Variants in DNAI7 observed in about 807,000 individuals in gnomAD.
DNAI7 encodes the protein dynein axonemal intermediate chain 7.
DNAI7 carries 78 observed loss-of-function variants against 86.6 expected under a neutral mutation model. The observed-to-expected ratio is 0.90, with a 90% CI of 0.75 to 1.09. The LOEUF (loss-of-function observed/expected upper bound fraction) is 1.09, where lower values mean the gene tolerates loss of function less well. Ranked by LOEUF, DNAI7 falls within the 50% of genes least tolerant of loss-of-function variation. DNAI7 has a pLI of 0.00. For missense variants in DNAI7, 753 were observed against 810.2 expected, an observed-to-expected ratio of 0.93 and a Z score of 0.86; for synonymous variants, 274 against 273.0, an observed-to-expected ratio of 1.00 and a Z score of -0.04.
chr12:25,111,619 C>T (rs1938833213), intron 14 of DNAI7, among the ~76,000 whole-genome samples, 153 bp downstream of exon 14: 1 of 151,984 alleles, frequency 6.6e-6, no homozygotes, highest in Non-Finnish European at 1.5e-5. Flanking sequence ...ATTAAGAGAA[C>T]CCTGGATTTC....
At chr12:25,144,789 G>T in intron 8 of DNAI7, 112 bp from the exon 9 acceptor site, 1 of 802,196 alleles carries the variant, frequency 1.2e-6, no homozygotes, top group Non-Finnish European at 1.9e-6. Flanking sequence ...CTCCAATTTT[G>T]ACTCTGATCA....
intron 12 of DNAI7, among the ~76,000 whole-genome samples, chr12:25,117,867 T>C (rs1006508698): frequency 5.3e-5 from 8 of 152,102 alleles, no homozygotes; most frequent in African/African-American, 1.9e-4. Context: ...ATCCAAACTA[T>C]TTGGTTATTT....
intron 2 of DNAI7, among the ~76,000 whole-genome samples, chr12:25,184,176 T>G (rs1461280611): frequency 6.6e-6 from 1 of 152,204 alleles, no homozygotes; most frequent in East Asian, 1.9e-4. Flanking sequence ...TTTAATGGTT[T>G]TTAGTATATT....
At chr12:25,182,891 T>G (rs1392592604) in intron 2 of DNAI7, among the ~76,000 whole-genome samples, 4 of 150,380 alleles carry the variant, frequency 2.7e-5, no homozygotes, top group African/African-American at 9.8e-5. Flanking sequence ...GCCACTGCAC[T>G]TCAGCCCAGG....
intron 4 of DNAI7, among the ~76,000 whole-genome samples, chr12:25,156,672 T>C (rs1464723135): frequency 1.3e-5 from 2 of 151,140 alleles, no homozygotes; most frequent in Non-Finnish European, 3.0e-5. Context: ...ACCTGGGACG[T>C]GGAGGTTGCA....
intron 2 of DNAI7, chr12:25,185,643 A>T: frequency 1.2e-3 from 239 of 198,938 alleles, no homozygotes; most frequent in Non-Finnish European, 2.0e-3. Flanking sequence ...AATTGATTTA[A>T]TTCCCTCATA....
At chr12:25,122,758 T>C (rs1174123449) in intron 10 of DNAI7, among the ~76,000 whole-genome samples, 1 of 152,192 alleles carries the variant, frequency 6.6e-6, no homozygotes, top group Non-Finnish European at 1.5e-5. Flanking sequence ...TGTGTACTTG[T>C]GAAAGTTCAT....
intron 9 of DNAI7, among the ~76,000 whole-genome samples, chr12:25,140,147 C>T (rs1174383352): frequency 1.3e-5 from 2 of 152,058 alleles, no homozygotes; most frequent in Non-Finnish European, 2.9e-5. Flanking sequence ...GACAAGGATG[C>T]CCCCTTTCAC....
intron 9 of DNAI7, among the ~76,000 whole-genome samples, chr12:25,135,784 C>T (rs1233287076): frequency 6.6e-6 from 1 of 151,662 alleles, no homozygotes; most frequent in African/African-American, 2.4e-5. Flanking sequence ...AGCCATAATC[C>T]CCCTGGGAGC....
At chr12:25,145,388 T>G (rs1205910684) in intron 8 of DNAI7, among the ~76,000 whole-genome samples, 1 of 152,208 alleles carries the variant, frequency 6.6e-6, no homozygotes, top group Non-Finnish European at 1.5e-5. Context: ...TGAAACTTGT[T>G]CTGCCTGCAC....
At chr12:25,170,257 G>C (rs903421723) in intron 2 of DNAI7, among the ~76,000 whole-genome samples, 1 of 151,892 alleles carries the variant, frequency 6.6e-6, no homozygotes, top group African/African-American at 2.4e-5. Flanking sequence ...CTGGTGTGGT[G>C]GTGGGTGCCT....
At chr12:25,136,787 T>C (rs1454253973) in intron 9 of DNAI7, among the ~76,000 whole-genome samples, 1 of 152,108 alleles carries the variant, frequency 6.6e-6, no homozygotes, top group African/African-American at 2.4e-5. Context: ...TTTTCAACAA[T>C]GGACCTAAAC....
At chr12:25,182,177 A>G (rs1292586117) in intron 2 of DNAI7, among the ~76,000 whole-genome samples, 1 of 151,610 alleles carries the variant, frequency 6.6e-6, no homozygotes, top group Admixed American at 6.6e-5. Context: ...GAGAAACCCC[A>G]TCTCTACTAA....
chr12:25,107,903 T>A, downstream of DNAI7: 1 of 1,614,210 alleles, frequency 6.2e-7, no homozygotes, highest in Non-Finnish European at 8.5e-7. Flanking sequence ...ATTGCATTCA[T>A]TGTACTGTTT....
intron 8 of DNAI7, 21 bp from the exon 9 acceptor site, chr12:25,144,698 CAA>C (rs753584382): frequency 1.9e-6 from 3 of 1,567,292 alleles, no homozygotes; most frequent in Non-Finnish European, 2.6e-6. Context: ...TTAATTACAA[CAA>C]AAAAAGATGA....
intron 9 of DNAI7, among the ~76,000 whole-genome samples, chr12:25,132,746 T>C (rs1033909830): frequency 6.6e-6 from 1 of 150,442 alleles, no homozygotes; most frequent in African/African-American, 2.5e-5. Flanking sequence ...ATGACATCTT[T>C]TTTCTAATTT....
At chr12:25,132,104 G>A (rs1363688274) in intron 9 of DNAI7, among the ~76,000 whole-genome samples, 1 of 152,096 alleles carries the variant, frequency 6.6e-6, no homozygotes, top group East Asian at 1.9e-4. Context: ...CCTCAGCACA[G>A]AGGCTTATCA....
intron 12 of DNAI7, among the ~76,000 whole-genome samples, chr12:25,118,406 GGTGT>G (rs1472501067): frequency 6.6e-6 from 1 of 152,006 alleles, no homozygotes. Context: ...TGGGATTACA[GGTGT>G]GTGCCACCAC....
At chr12:25,139,314 C>T (rs2140767217) in intron 9 of DNAI7, among the ~76,000 whole-genome samples, 1 of 152,250 alleles carries the variant, frequency 6.6e-6, no homozygotes, top group East Asian at 1.9e-4. Flanking sequence ...CCTATTGACA[C>T]TATTCCAAAA....
Sources: allele counts gnomAD v4.1 joint callset (sites outside exome capture counted in the v4.1 genomes callset), GRCh38; gene constraint gnomAD v4.1.1; transcripts MANE v1.5; gene names NCBI Gene and HGNC (gene_info 2026-07-23, HGNC 2026-07-21).